Variants in PTPRO observed in about 807,000 individuals in gnomAD.
PTPRO encodes the protein protein tyrosine phosphatase receptor type O, also known as receptor-type tyrosine-protein phosphatase O.
Under a neutral mutation model 145.2 loss-of-function variants are expected in PTPRO, and 62 were observed. The ratio of observed to expected loss-of-function variants is 0.43; its 90% CI spans 0.35 to 0.53. The LOEUF (loss-of-function observed/expected upper bound fraction) is 0.53. Among genes scored for constraint, PTPRO ranks in the 20% least tolerant of loss-of-function variants. The pLI is 0.01. For synonymous variants in PTPRO, 565 were observed against 514.7 expected (o/e 1.10, Z -1.32); for missense variants, 1,345 against 1,482.7 (o/e 0.91, Z 1.53).
intron 14 of PTPRO, among the ~76,000 whole-genome samples, chr12:15,550,755 C>A (rs912036722): frequency 4.6e-5 from 7 of 152,164 alleles, no homozygotes; most frequent in African/African-American, 1.7e-4. Context: ...CATTCTGTGA[C>A]TTTATGATCA....
At chr12:15,450,887 A>C (rs999622407) in intron 1 of PTPRO, among the ~76,000 whole-genome samples, 2 of 152,138 alleles carry the variant, frequency 1.3e-5, no homozygotes, top group Non-Finnish European at 2.9e-5. Context: ...GAACCCCCTC[A>C]AAGCATAAGT....
At chr12:15,458,611 A>AG (rs1941233584) in intron 1 of PTPRO, among the ~76,000 whole-genome samples, 1 of 149,852 alleles carries the variant, frequency 6.7e-6, no homozygotes, top group Non-Finnish European at 1.5e-5. Context: ...CTTCTGCTTG[A>AG]TCTAGTCTGC....
chr12:15,480,647 C>T (rs558994867), intron 1 of PTPRO, among the ~76,000 whole-genome samples: 1 of 152,272 alleles, frequency 6.6e-6, no homozygotes, highest in African/African-American at 2.4e-5. Flanking sequence ...GCCAGAAAGA[C>T]TGAGATTTTG....
chr12:15,581,180 C>T (rs1944306049), intron 22 of PTPRO, among the ~76,000 whole-genome samples: 1 of 152,044 alleles, frequency 6.6e-6, no homozygotes, highest in African/African-American at 2.4e-5. Flanking sequence ...AGAGTCCCAA[C>T]AGGCTGTTTC....
At chr12:15,519,408 T>C (rs578176285) in intron 9 of PTPRO, among the ~76,000 whole-genome samples, 192 of 152,334 alleles carry the variant, frequency 1.3e-3, no homozygotes, top group Non-Finnish European at 2.3e-3. Context: ...TTGTTTTTGC[T>C]TTTAGGTTTT....
intron 2 of PTPRO, among the ~76,000 whole-genome samples, chr12:15,495,445 T>C (rs1053080736): frequency 6.6e-6 from 1 of 150,906 alleles, no homozygotes; most frequent in Non-Finnish European, 1.5e-5. Flanking sequence ...AGTTCTCATG[T>C]TATTGAAATT....
intron 1 of PTPRO, among the ~76,000 whole-genome samples, chr12:15,423,191 G>T (rs996025794): frequency 6.6e-6 from 1 of 152,138 alleles, no homozygotes; most frequent in East Asian, 1.9e-4. Flanking sequence ...CTCACTAATT[G>T]CTGCAAACCT....
At chr12:15,338,149 T>C (rs889318195) in intron 1 of PTPRO, among the ~76,000 whole-genome samples, 6 of 152,186 alleles carry the variant, frequency 3.9e-5, no homozygotes, top group Non-Finnish European at 7.4e-5. Context: ...GATATCAACA[T>C]TGGGGGAGGC....
intron 14 of PTPRO, among the ~76,000 whole-genome samples, chr12:15,551,188 T>C (rs1943448551): frequency 6.6e-6 from 1 of 152,212 alleles, no homozygotes; most frequent in South Asian, 2.1e-4. Context: ...TCTAAGCTTG[T>C]GAAAATGTTA....
chr12:15,324,150 G>A (rs1011588150), intron 1 of PTPRO, among the ~76,000 whole-genome samples: 24 of 152,054 alleles, frequency 1.6e-4, no homozygotes, highest in African/African-American at 5.5e-4. Context: ...TCTATTAGTC[G>A]TTTTCTAACT....
chr12:15,564,935 C>T (rs938975949), intron 17 of PTPRO, among the ~76,000 whole-genome samples: 1 of 152,114 alleles, frequency 6.6e-6, no homozygotes, highest in African/African-American at 2.4e-5. Flanking sequence ...TTAATTATCT[C>T]CTAAACAAAT....
At chr12:15,524,279 T>C (rs1024007194) in intron 10 of PTPRO, among the ~76,000 whole-genome samples, 1 of 152,066 alleles carries the variant, frequency 6.6e-6, no homozygotes, top group East Asian at 1.9e-4. Flanking sequence ...AAAAATAATG[T>C]CTTGTTATTT....
At position 15,524,858 on chromosome 12, in the gene PTPRO, C is replaced by T; in HGVS notation, c.1936C>T (p.Leu646=). The T allele has an allele frequency of 6.2e-7, 1 of 1,613,558 alleles. No homozygotes were observed. Among genetic ancestry groups the T allele is most frequent in the Non-Finnish European group, 8.5e-7 (1 of 1,179,498 alleles). ...CACTTCTGTGGAATATTTCAACAGT[C>T]TGTTATATATCAGTTGGACATATGG... ...EITSVEYFNS[L]LYISWTYGDD... is the part of the protein sequence containing the mutation. The change falls in exon 11 of 27, where the codon CTG becomes TTG. Residue 646 remains leucine, a synonymous_variant. Coordinates refer to ENST00000281171, the MANE Select transcript of PTPRO (RefSeq NM_030667.3).
chr12:15,400,512 C>T (rs1281767427), intron 1 of PTPRO, among the ~76,000 whole-genome samples: 1 of 152,180 alleles, frequency 6.6e-6, no homozygotes, highest in Non-Finnish European at 1.5e-5. Context: ...CTCCTTTCCC[C>T]ACTGCCATCC....
chr12:15,393,780 T>C (rs1044197583), intron 1 of PTPRO, among the ~76,000 whole-genome samples: 2 of 152,220 alleles, frequency 1.3e-5, no homozygotes, highest in Non-Finnish European at 2.9e-5. Flanking sequence ...TCTGTTGCTA[T>C]GACTGAATAC....
chr12:15,474,312 T>C (rs755081830), intron 1 of PTPRO, among the ~76,000 whole-genome samples: 5 of 152,166 alleles, frequency 3.3e-5, no homozygotes, highest in Non-Finnish European at 7.3e-5. Context: ...TTCTCCTCTT[T>C]AGTGCCACCC....
intron 17 of PTPRO, chr12:15,565,376 G>A: frequency 2.3e-6 from 1 of 438,138 alleles, no homozygotes. Flanking sequence ...ATAAAGTGCA[G>A]ATATGTTCAT....
At chr12:15,567,847 C>T (rs1943940370) in intron 18 of PTPRO, among the ~76,000 whole-genome samples, 1 of 152,186 alleles carries the variant, frequency 6.6e-6, no homozygotes, top group Non-Finnish European at 1.5e-5. Flanking sequence ...ACTCACTTAA[C>T]TCTCTTAGCC....
chr12:15,455,430 A>C (rs1451498274), intron 1 of PTPRO, among the ~76,000 whole-genome samples: 1 of 152,110 alleles, frequency 6.6e-6, no homozygotes, highest in Non-Finnish European at 1.5e-5. Flanking sequence ...TGCAGATTGC[A>C]CAATAAGAAG....
Sources: allele counts gnomAD v4.1 joint callset (sites outside exome capture counted in the v4.1 genomes callset), GRCh38; gene constraint gnomAD v4.1.1; transcripts MANE v1.5; gene names NCBI Gene and HGNC (gene_info 2026-07-23, HGNC 2026-07-21).